TAMM41: variants seen among roughly 807,000 people sequenced by gnomAD.
TAMM41 encodes the protein TAM41 mitochondrial translocator assembly and maintenance homolog, also known as phosphatidate cytidylyltransferase, mitochondrial.
A neutral mutation model predicts 44.1 loss-of-function variants in TAMM41; 36 were observed. The ratio of observed to expected loss-of-function variants is 0.82; its 90% CI spans 0.63 to 1.08. TAMM41 has a LOEUF of 1.08. Ranked by LOEUF, TAMM41 falls within the 50% of genes least tolerant of loss-of-function variation. The probability of loss-of-function intolerance (pLI) is 0.00; values close to 1 mark genes in which losing one functional copy is unlikely to be tolerated. For missense variants in TAMM41, 417 were observed against 404.3 expected (o/e 1.03, Z -0.27); for synonymous variants, 164 against 153.1 (o/e 1.07, Z -0.53).
At chr3:11,769,012 A>T in the TAMM41 span, among the ~76,000 whole-genome samples, 3 of 152,180 alleles carry the variant, frequency 2.0e-5, no homozygotes, top group Non-Finnish European at 4.4e-5. Flanking sequence ...ATGGCTGAGG[A>T]TGTGAGAGCC....
chr3:11,837,361 A>G (rs2079225227), intron 3 of TAMM41, among the ~76,000 whole-genome samples: 1 of 152,122 alleles, frequency 6.6e-6, no homozygotes, highest in African/African-American at 2.4e-5. Flanking sequence ...CACAGTCCTC[A>G]AACTATGGAA....
intron 4 of TAMM41, among the ~76,000 whole-genome samples, chr3:11,827,338 C>T (rs1285478641): frequency 6.7e-6 from 1 of 148,502 alleles, no homozygotes; most frequent in African/African-American, 2.5e-5. Flanking sequence ...ACAAGACAGT[C>T]TCACTGTGTC....
At chr3:11,836,906 A>G (rs184130490) in intron 3 of TAMM41, among the ~76,000 whole-genome samples, 10 of 152,398 alleles carry the variant, frequency 6.6e-5, no homozygotes, top group Admixed American at 6.5e-4. Flanking sequence ...GTATCTGTAT[A>G]GACATGAAAT....
intron 4 of TAMM41, among the ~76,000 whole-genome samples, chr3:11,819,423 T>C (rs903850815): frequency 6.6e-6 from 1 of 152,210 alleles, no homozygotes; most frequent in African/African-American, 2.4e-5. Flanking sequence ...AGTAAAAATA[T>C]ACTACATATA....
chr3:11,819,296 G>A (rs114424410), intron 4 of TAMM41, among the ~76,000 whole-genome samples: 1 of 152,196 alleles, frequency 6.6e-6, no homozygotes, highest in Non-Finnish European at 1.5e-5. Context: ...CAAGTGTGTT[G>A]TGGTATTGCT....
chr3:11,791,532 C>CT (rs1291202461), intron 7 of TAMM41, among the ~76,000 whole-genome samples: 3 of 152,132 alleles, frequency 2.0e-5, no homozygotes, highest in Non-Finnish European at 4.4e-5. Flanking sequence ...TATGAACAGT[C>CT]TTTTTCACTG....
the TAMM41 span, among the ~76,000 whole-genome samples, chr3:11,783,760 G>A: frequency 6.6e-6 from 1 of 152,202 alleles, no homozygotes; most frequent in African/African-American, 2.4e-5. Context: ...TGATGACTGA[G>A]CAGTGGTTAA....
the TAMM41 span, among the ~76,000 whole-genome samples, chr3:11,778,999 A>G: frequency 7.9e-5 from 12 of 152,112 alleles, no homozygotes; most frequent in African/African-American, 2.4e-4. Flanking sequence ...TTGATGCCCA[A>G]CGTTGGAAAT....
the TAMM41 span, among the ~76,000 whole-genome samples, chr3:11,750,322 AG>A: frequency 2.0e-5 from 3 of 149,498 alleles, no homozygotes; most frequent in Non-Finnish European, 4.5e-5. Context: ...CTAACCATTG[AG>A]GGACAGGGCC....
At chr3:11,749,556 T>C in the TAMM41 span, among the ~76,000 whole-genome samples, 1 of 152,238 alleles carries the variant, frequency 6.6e-6, no homozygotes, top group Non-Finnish European at 1.5e-5. Context: ...CTGACCTTTC[T>C]TTCTGTTCTC....
intron 7 of TAMM41, among the ~76,000 whole-genome samples, chr3:11,794,466 A>C (rs1307205453): frequency 6.6e-6 from 1 of 152,172 alleles, no homozygotes; most frequent in Non-Finnish European, 1.5e-5. Flanking sequence ...TCTACAGGAA[A>C]GGATGATGAT....
chr3:11,727,667 C>A, the TAMM41 span, among the ~76,000 whole-genome samples: 1 of 151,986 alleles, frequency 6.6e-6, no homozygotes, highest in Non-Finnish European at 1.5e-5. Context: ...AGTTTTGCCA[C>A]GTTGCCCAGG....
At chr3:11,754,952 G>A in the TAMM41 span, among the ~76,000 whole-genome samples, 2 of 151,740 alleles carry the variant, frequency 1.3e-5, no homozygotes, top group African/African-American at 2.4e-5. Flanking sequence ...CACCTGCCTC[G>A]GCCTCCCAAA....
At chr3:11,798,051 G>A (rs1280775098) in intron 7 of TAMM41, among the ~76,000 whole-genome samples, 1 of 152,032 alleles carries the variant, frequency 6.6e-6, no homozygotes. Context: ...TGCTGGCAGG[G>A]GTGTAAATTA....
intron 7 of TAMM41, chr3:11,807,378 A>T (rs895612167): frequency 1.1e-5 from 17 of 1,505,656 alleles, no homozygotes; most frequent in Non-Finnish European, 1.5e-5. Context: ...GATGATACCT[A>T]AAGTTGAAAC....
chr3:11,783,530 A>G, the TAMM41 span, among the ~76,000 whole-genome samples: 2 of 152,246 alleles, frequency 1.3e-5, no homozygotes, highest in African/African-American at 4.8e-5. Context: ...AGATAGTTGT[A>G]AATTCTGAAA....
At chr3:11,810,513 T>C (rs1341574260) in intron 5 of TAMM41, among the ~76,000 whole-genome samples, 1 of 152,238 alleles carries the variant, frequency 6.6e-6, no homozygotes, top group Non-Finnish European at 1.5e-5. Context: ...AAAAATCTTG[T>C]AAACATTGAT....
the TAMM41 span, among the ~76,000 whole-genome samples, chr3:11,785,100 T>G: frequency 6.6e-6 from 1 of 151,824 alleles, no homozygotes; most frequent in Admixed American, 6.6e-5. Context: ...CACAGGGAGG[T>G]GTTTCTCTGG....
At chr3:11,737,384 G>A in the TAMM41 span, among the ~76,000 whole-genome samples, 2 of 151,262 alleles carry the variant, frequency 1.3e-5, no homozygotes, top group Admixed American at 6.6e-5. Flanking sequence ...GCAATGGCAC[G>A]ATCTCGGCTC....
Sources: gnomAD v4.1 joint callset for allele counts (sites outside exome capture counted in the v4.1 genomes callset) on GRCh38, gnomAD v4.1.1 for gene constraint, MANE v1.5 for transcripts, NCBI Gene and HGNC (gene_info 2026-07-23, HGNC 2026-07-21) for gene names.